Variants in TCF7L2 observed in about 807,000 individuals in gnomAD.
TCF7L2 encodes the protein transcription factor 7 like 2.
TCF7L2 carries 23 observed loss-of-function variants against 77.9 expected under a neutral mutation model. The ratio of observed to expected loss-of-function variants is 0.30; its 90% CI spans 0.21 to 0.42. The LOEUF (loss-of-function observed/expected upper bound fraction) is 0.42. Ranked by LOEUF, TCF7L2 falls within the 10% of genes least tolerant of loss-of-function variation. The pLI is 1.00. For missense variants in TCF7L2, 654 were observed against 793.1 expected (o/e 0.82, Z 2.11); for synonymous variants, 413 against 340.2 (o/e 1.21, Z -2.36).
intron 3 of TCF7L2, among the ~76,000 whole-genome samples, chr10:112,959,121 CA>C (rs1357147208): frequency 1.3e-4 from 19 of 151,670 alleles, no homozygotes; most frequent in African/African-American, 4.4e-4. Flanking sequence ...TAGTTTTTCT[CA>C]AAAATCAACC....
intron 5 of TCF7L2, among the ~76,000 whole-genome samples, chr10:113,050,253 C>T (rs1180067093): frequency 4.6e-5 from 7 of 152,132 alleles, no homozygotes; most frequent in African/African-American, 1.4e-4. Flanking sequence ...TTGTTTCTCT[C>T]ACAAGGACAC....
chr10:113,143,363 T>C (rs1263034308), intron 6 of TCF7L2, among the ~76,000 whole-genome samples: 2 of 152,272 alleles, frequency 1.3e-5, no homozygotes, highest in Non-Finnish European at 2.9e-5. Context: ...TTAGATAAGA[T>C]GCCAGATGGC....
intron 5 of TCF7L2, among the ~76,000 whole-genome samples, chr10:113,123,265 G>A (rs966774462): frequency 6.6e-6 from 1 of 152,216 alleles, no homozygotes; most frequent in Non-Finnish European, 1.5e-5. Context: ...TAACAACTCC[G>A]GTTCAGAGCG....
At chr10:113,023,030 T>C (rs1378132521) in intron 4 of TCF7L2, among the ~76,000 whole-genome samples, 4 of 151,960 alleles carry the variant, frequency 2.6e-5, no homozygotes, top group African/African-American at 9.7e-5. Flanking sequence ...ATTAGTGGAG[T>C]GGGGGCTCAG....
rs1020962084 is a variant in TCF7L2 at position 112,962,814 on chromosome 10, G to T, written c.382-1742G>T. Among the ~76,000 whole-genome samples the T allele has an allele frequency of 2.0e-5, 3 of 152,100 alleles. 1 individual carries two copies. Among genetic ancestry groups the T allele is most frequent in the Non-Finnish European group, 4.4e-5 (3 of 68,022 alleles). ...GGGTTTCACCATGTTGGCCAGGGTG[G>T]TCTCAAACCTCTGACCTCAGGTGAT... On this transcript the variant is annotated intron_variant, in intron 3 of 13. Transcript: ENST00000627217.
intron 10 of TCF7L2, 118 bp downstream of exon 10, chr10:113,152,002 C>T (rs556359212): frequency 3.0e-4 from 425 of 1,394,324 alleles, no homozygotes; most frequent in Admixed American, 3.8e-4. Context: ...TGCCCTTCAG[C>T]CACATTCTGA....
intron 5 of TCF7L2, among the ~76,000 whole-genome samples, chr10:113,052,086 T>A (rs148850073): frequency 6.6e-6 from 1 of 152,204 alleles, no homozygotes; most frequent in East Asian, 1.9e-4. Context: ...TTTGACTGAT[T>A]ATTACAACTT....
chr10:113,070,292 A>ATAT (rs2057830659), intron 5 of TCF7L2, among the ~76,000 whole-genome samples: 1 of 87,848 alleles, frequency 1.1e-5, no homozygotes, highest in Non-Finnish European at 2.4e-5. Context: ...TATATATATG[A>ATAT]ATTAATTAAT....
intron 5 of TCF7L2, among the ~76,000 whole-genome samples, chr10:113,139,085 G>C (rs910932205): frequency 6.6e-6 from 1 of 152,122 alleles, no homozygotes; most frequent in Non-Finnish European, 1.5e-5. Context: ...GCTATGGGTG[G>C]TTCTCCCCAC....
intron 5 of TCF7L2, among the ~76,000 whole-genome samples, chr10:113,058,120 T>C (rs1001709371): frequency 6.6e-6 from 1 of 152,208 alleles, no homozygotes; most frequent in Non-Finnish European, 1.5e-5. Context: ...AGGTGGTGGC[T>C]ATAAATGTTA....
At chr10:113,018,094 A>G (rs2047644129) in intron 4 of TCF7L2, among the ~76,000 whole-genome samples, 1 of 152,174 alleles carries the variant, frequency 6.6e-6, no homozygotes, top group Non-Finnish European at 1.5e-5. Context: ...GAATAATTTA[A>G]TGCATGCCCC....
chr10:113,133,831 A>G (rs1263749471), intron 5 of TCF7L2, among the ~76,000 whole-genome samples: 1 of 152,178 alleles, frequency 6.6e-6, no homozygotes, highest in Non-Finnish European at 1.5e-5. Flanking sequence ...GATAATTTAC[A>G]ATACAAATAA....
chr10:113,004,090 G>C lies in TCF7L2; in HGVS notation c.451-35935G>C, dbSNP rs141680551. On this transcript the variant is annotated intron_variant, in intron 4 of 13. Coordinates refer to ENST00000627217, the MANE Select transcript of TCF7L2 (RefSeq NM_001146274.2). Reference sequence around the variant, plus strand: ...TTGATTGCCCAGTATCAGTTAGTTTGGCTTTAATGACTGAGAAGAGATTCC... The same window carrying C: ...TTGATTGCCCAGTATCAGTTAGTTTCGCTTTAATGACTGAGAAGAGATTCC... 1.6e-3 allele frequency among the ~76,000 whole-genome samples: 247 copies of C among 152,306 alleles called. 1 individual carries two copies. Among genetic ancestry groups the C allele is most frequent in the African/African-American group, 5.7e-3 (235 of 41,564 alleles).
chr10:112,954,940 A>G (rs571338897), intron 3 of TCF7L2, among the ~76,000 whole-genome samples: 3 of 152,296 alleles, frequency 2.0e-5, no homozygotes, highest in East Asian at 1.9e-4. Context: ...AGAGGGGCCT[A>G]TTCATTGGGA....
intron 5 of TCF7L2, among the ~76,000 whole-genome samples, chr10:113,073,285 C>G (rs1475508615): frequency 1.3e-5 from 2 of 151,826 alleles, no homozygotes; most frequent in Non-Finnish European, 2.9e-5. Context: ...AGCTCTGTTC[C>G]CTGTCCTGCT....
In TCF7L2 at chr10:113,160,657, C is replaced by A. The variant is rs2137464905; in HGVS notation, c.1357C>A (p.Leu453Ile). The A allele has an allele frequency of 6.3e-7, 1 of 1,597,236 alleles. No homozygotes were observed. Among genetic ancestry groups the A allele is most frequent in the Non-Finnish European group, 8.5e-7 (1 of 1,171,492 alleles). Reference sequence around the variant, plus strand: ...AAAGAAGTGTCGGGCACTGTTCGGGCTTGACCGACAGACTTTATGGTGCAA... The same window carrying A: ...AAAGAAGTGTCGGGCACTGTTCGGGATTGACCGACAGACTTTATGGTGCAA... Residue 453 changes from leucine (L) to isoleucine (I), a missense_variant, in exon 13 of 14, where the codon CTT becomes ATT. This residue lies in a region of TCF7L2 where 272 missense variants were observed against 215.4 expected (regional missense o/e 1.26). Coordinates refer to ENST00000627217, the MANE Select transcript of TCF7L2 (RefSeq NM_001146274.2).
chr10:113,024,859 A>G (rs1590644010), intron 4 of TCF7L2, among the ~76,000 whole-genome samples: 1 of 152,224 alleles, frequency 6.6e-6, no homozygotes, highest in African/African-American at 2.4e-5. Flanking sequence ...ACCTCAAGTG[A>G]TCCACCCGCT....
At chr10:113,054,917 A>G (rs2055114130) in intron 5 of TCF7L2, among the ~76,000 whole-genome samples, 1 of 151,230 alleles carries the variant, frequency 6.6e-6, no homozygotes, top group Non-Finnish European at 1.5e-5. Context: ...TTACATTTGA[A>G]TTTTTTCAAC....
chr10:112,980,173 G>C (rs551129031), intron 4 of TCF7L2, among the ~76,000 whole-genome samples: 1 of 152,334 alleles, frequency 6.6e-6, no homozygotes, highest in South Asian at 2.1e-4. Flanking sequence ...GGCAGGCAGT[G>C]AATAAGGGAA....
Sources: gnomAD v4.1 joint callset for allele counts (sites outside exome capture counted in the v4.1 genomes callset) on GRCh38, gnomAD v4.1.1 for gene constraint, gnomAD v4.1.1 regional missense constraint, MANE v1.5 for transcripts, NCBI Gene and HGNC (gene_info 2026-07-23, HGNC 2026-07-21) for gene names.